NFIA: variants seen among roughly 807,000 people sequenced by gnomAD.
NFIA encodes nuclear factor 1 A-type.
In NFIA, 8 loss-of-function variants were observed where a neutral mutation model predicts 62.8. That is an observed-to-expected ratio of 0.13 (90% CI 0.07 to 0.23). The LOEUF is 0.23. Ranked by LOEUF, NFIA falls within the 10% of genes least tolerant of loss-of-function variation. The probability of loss-of-function intolerance (pLI) is 1.00; values close to 1 mark genes in which losing one functional copy is unlikely to be tolerated. For synonymous variants in NFIA, 235 were observed against 238.1 expected, an observed-to-expected ratio of 0.99 and a Z score of 0.12; for missense variants, 410 against 642.1, an observed-to-expected ratio of 0.64 and a Z score of 3.91.
intron 2 of NFIA, among the ~76,000 whole-genome samples, chr1:61,163,288 A>G (rs1452933536): frequency 2.0e-5 from 3 of 152,342 alleles, no homozygotes; most frequent in Non-Finnish European, 2.9e-5. Context: ...TTGTGAAGCA[A>G]TATAACCTGT....
At chr1:61,196,041 C>T (rs1022818197) in intron 2 of NFIA, among the ~76,000 whole-genome samples, 2 of 152,090 alleles carry the variant, frequency 1.3e-5, no homozygotes, top group Non-Finnish European at 2.9e-5. Context: ...ATATTTTAAA[C>T]TCTGTAATTA....
intron 2 of NFIA, among the ~76,000 whole-genome samples, chr1:61,262,833 A>G (rs1451942062): frequency 6.6e-6 from 1 of 152,208 alleles, no homozygotes; most frequent in Non-Finnish European, 1.5e-5. Flanking sequence ...AGCCAGAATC[A>G]AAGGAAATGA....
chr1:61,203,210 C>A (rs1047792260), intron 2 of NFIA, among the ~76,000 whole-genome samples: 9 of 152,268 alleles, frequency 5.9e-5, no homozygotes, highest in African/African-American at 2.2e-4. Context: ...CATGTTAAAG[C>A]CTGCCCTGAC....
intron 2 of NFIA, among the ~76,000 whole-genome samples, chr1:61,263,181 A>G (rs1367526752): frequency 1.3e-5 from 2 of 152,172 alleles, no homozygotes; most frequent in Non-Finnish European, 2.9e-5. Flanking sequence ...CTAGTAACCA[A>G]AAATTAAAAC....
chr1:61,350,953 C>T (rs1049166270), intron 4 of NFIA, among the ~76,000 whole-genome samples: 4 of 152,144 alleles, frequency 2.6e-5, no homozygotes, highest in African/African-American at 7.2e-5. Flanking sequence ...TGCAGATGGT[C>T]CCCAATTTAC....
chr1:61,155,405 G>A (rs1648728305), intron 2 of NFIA, among the ~76,000 whole-genome samples: 1 of 152,100 alleles, frequency 6.6e-6, no homozygotes. Context: ...CGGGCGCGGT[G>A]GCTCACGCCT....
intron 2 of NFIA, among the ~76,000 whole-genome samples, chr1:61,143,694 A>G (rs1164071738): frequency 1.3e-5 from 2 of 152,132 alleles, no homozygotes; most frequent in Non-Finnish European, 2.9e-5. Flanking sequence ...CCTTGCCTTC[A>G]TATGTTATTT....
At chr1:61,337,490 C>T (rs1464529245) in intron 4 of NFIA, among the ~76,000 whole-genome samples, 1 of 151,946 alleles carries the variant, frequency 6.6e-6, no homozygotes, top group Non-Finnish European at 1.5e-5. Context: ...TTGCCTTGTT[C>T]CAGGGGAGGA....
At chr1:61,373,636 C>A (rs771789579) in intron 6 of NFIA, among the ~76,000 whole-genome samples, 1 of 152,088 alleles carries the variant, frequency 6.6e-6, no homozygotes, top group African/African-American at 2.4e-5. Context: ...AAGTTCACAT[C>A]ATCAAGGCTA....
At chr1:61,122,610 G>A (rs1229480175) in intron 2 of NFIA, among the ~76,000 whole-genome samples, 1 of 152,044 alleles carries the variant, frequency 6.6e-6, no homozygotes, top group African/African-American at 2.4e-5. Flanking sequence ...AACTGGGGAG[G>A]GCCAAATTCC....
At chr1:61,387,258 A>C (rs1402201160) in intron 7 of NFIA, among the ~76,000 whole-genome samples, 2 of 152,062 alleles carry the variant, frequency 1.3e-5, no homozygotes, top group African/African-American at 2.4e-5. Flanking sequence ...GTTAGAGATT[A>C]TCATCTCTAA....
At chr1:61,449,511 A>G (rs1376544214) in intron 10 of NFIA, among the ~76,000 whole-genome samples, 1 of 152,234 alleles carries the variant, frequency 6.6e-6, no homozygotes, top group Admixed American at 6.5e-5. Context: ...TGAAGAAGGG[A>G]CATCTAATCT....
At chr1:61,325,143 A>G (rs1056589591) in intron 3 of NFIA, among the ~76,000 whole-genome samples, 2 of 152,176 alleles carry the variant, frequency 1.3e-5, no homozygotes, top group Non-Finnish European at 2.9e-5. Flanking sequence ...GAGAGGCCCT[A>G]TTCAAAATGT....
chr1:61,348,178 T>G (rs1662350196), intron 4 of NFIA, among the ~76,000 whole-genome samples: 1 of 152,176 alleles, frequency 6.6e-6, no homozygotes, highest in Non-Finnish European at 1.5e-5. Flanking sequence ...TCCCCTCAAG[T>G]GTGAAGCTTT....
chr1:61,349,081 C>T (rs1662405885), intron 4 of NFIA, among the ~76,000 whole-genome samples: 1 of 152,092 alleles, frequency 6.6e-6, no homozygotes, highest in Non-Finnish European at 1.5e-5. Flanking sequence ...CTAATCTCCC[C>T]CACCCTTCCT....
chr1:61,175,898 G>A (rs961106279), intron 2 of NFIA, among the ~76,000 whole-genome samples: 1 of 152,146 alleles, frequency 6.6e-6, no homozygotes, highest in African/African-American at 2.4e-5. Context: ...TCATAGTCCA[G>A]GGGAGAAAGA....
intron 3 of NFIA, 108 bp downstream of exon 3, chr1:61,277,693 G>A: frequency 9.5e-7 from 1 of 1,051,520 alleles, no homozygotes; most frequent in African/African-American, 1.6e-5. Context: ...CCCACAGTAG[G>A]AACAACTCCA....
chr1:61,220,672 C>T (rs1455405121), intron 2 of NFIA, among the ~76,000 whole-genome samples: 1 of 152,078 alleles, frequency 6.6e-6, no homozygotes, highest in Admixed American at 6.5e-5. Flanking sequence ...ATGTATTTAT[C>T]TTGGTTTGGC....
chr1:61,368,483 G>A (rs901336555), intron 6 of NFIA, among the ~76,000 whole-genome samples: 3 of 152,204 alleles, frequency 2.0e-5, no homozygotes, highest in African/African-American at 7.2e-5. Flanking sequence ...CTCATATTCT[G>A]CCATGAGCAA....
Sources: gnomAD v4.1 joint callset for allele counts (sites outside exome capture counted in the v4.1 genomes callset) on GRCh38, gnomAD v4.1.1 for gene constraint, MANE v1.5 for transcripts, NCBI Gene and HGNC (gene_info 2026-07-23, HGNC 2026-07-21) for gene names.